CEP112: variants seen among roughly 807,000 people sequenced by gnomAD.
The protein encoded by CEP112 is centrosomal protein of 112 kDa.
CEP112 carries 127 observed loss-of-function variants against 153.0 expected under a neutral mutation model. The ratio of observed to expected loss-of-function variants is 0.83; its 90% CI spans 0.72 to 0.96. The LOEUF is 0.96. Among genes scored for constraint, CEP112 ranks in the 40% least tolerant of loss-of-function variants. The probability of loss-of-function intolerance (pLI) is 0.00; values close to 1 mark genes in which losing one functional copy is unlikely to be tolerated. For synonymous variants in CEP112, 358 were observed against 374.4 expected (o/e 0.96, Z 0.51); for missense variants, 1,089 against 1,101.2 (o/e 0.99, Z 0.16).
chr17:65,970,977 T>G (rs2062743627), intron 17 of CEP112, among the ~76,000 whole-genome samples: 1 of 133,058 alleles, frequency 7.5e-6, no homozygotes, highest in African/African-American at 3.1e-5. Flanking sequence ...GCCAGGCTGA[T>G]TTTAAAAAAC....
At chr17:65,850,379 C>T (rs1478857723) in intron 21 of CEP112, among the ~76,000 whole-genome samples, 1 of 151,956 alleles carries the variant, frequency 6.6e-6, no homozygotes, top group East Asian at 1.9e-4. Flanking sequence ...CTTGGTGCTG[C>T]CCGTGACTGT....
intron 4 of CEP112, among the ~76,000 whole-genome samples, chr17:66,164,556 CA>C (rs11317339): frequency 0.91 from 94,787 of 104,482 alleles, 43,094 homozygotes; most frequent in East Asian, 0.95. Flanking sequence ...AACTCTATCT[CA>C]AAAAAAAAAA....
At chr17:65,739,677 G>A (rs192933274) in intron 23 of CEP112, among the ~76,000 whole-genome samples, 1,708 of 152,026 alleles carry the variant, frequency 0.011, 16 homozygotes, top group Non-Finnish European at 0.019. Context: ...CGGAAGTTGC[G>A]GTGAGCTGAG....
intron 24 of CEP112, among the ~76,000 whole-genome samples, chr17:65,664,682 A>G (rs1241296797): frequency 1.3e-5 from 2 of 152,210 alleles, no homozygotes; most frequent in Non-Finnish European, 2.9e-5. Flanking sequence ...CAAGACAATG[A>G]ATGCCAAGGT....
intron 16 of CEP112, among the ~76,000 whole-genome samples, chr17:66,025,928 C>CACACACACACACACAT (rs1365285756): frequency 8.4e-6 from 1 of 119,748 alleles, no homozygotes; most frequent in African/African-American, 3.3e-5. Context: ...CATACACACA[C>CACACACACACACACAT]ACACACACAC....
intron 17 of CEP112, among the ~76,000 whole-genome samples, chr17:65,962,997 A>G (rs1209281389): frequency 6.6e-6 from 1 of 152,214 alleles, no homozygotes; most frequent in East Asian, 1.9e-4. Flanking sequence ...AAACCAGTAT[A>G]AGAGTGTTAT....
rs145064063 is a variant in CEP112 at position 65,744,276 on chromosome 17, C to T, written c.2458-1059G>A. ...GTTTGTTTGTTTGTTTGTTTTGAGACGGAGTCTTGCTCTGTTACCCAGGCT... is the reference window on the plus strand; with the variant it reads ...GTTTGTTTGTTTGTTTGTTTTGAGATGGAGTCTTGCTCTGTTACCCAGGCT... On this transcript the variant is annotated intron_variant, in intron 22 of 26. Transcript: ENST00000535342. 1.7e-3 allele frequency among the ~76,000 whole-genome samples: 244 copies of T among 144,372 alleles called. 1 individual carries two copies. Among genetic ancestry groups the T allele is most frequent in the African/African-American group, 3.1e-3 (124 of 39,604 alleles). 94.7% of individuals were successfully genotyped at this position (144,372 alleles called of 152,430 possible). A position where few individuals can be genotyped will look rare whatever the true frequency, so the allele number is the denominator to read the frequency against.
chr17:65,869,605 A>T (rs1302768216), intron 20 of CEP112, among the ~76,000 whole-genome samples: 1 of 142,874 alleles, frequency 7.0e-6, no homozygotes, highest in Non-Finnish European at 1.5e-5. Context: ...TTTCAGACAG[A>T]GTCTCACTCT....
chr17:65,895,334 C>CTTG (rs34014813), intron 20 of CEP112, among the ~76,000 whole-genome samples: 53 of 151,548 alleles, frequency 3.5e-4, no homozygotes, highest in Admixed American at 2.7e-3. Context: ...ACCATAAATA[C>CTTG]TTGTTGTTGT....
At chr17:65,828,056 T>C (rs1244552457) in intron 21 of CEP112, among the ~76,000 whole-genome samples, 1 of 152,232 alleles carries the variant, frequency 6.6e-6, no homozygotes, top group Non-Finnish European at 1.5e-5. Context: ...GCTAACAATG[T>C]ATCTCTCCTA....
At chr17:66,146,441 G>T (rs1345665540) in intron 4 of CEP112, among the ~76,000 whole-genome samples, 2 of 151,974 alleles carry the variant, frequency 1.3e-5, no homozygotes, top group African/African-American at 2.4e-5. Context: ...TAGGATCTGT[G>T]TCAAGTCCCT....
At chr17:66,023,476 C>A (rs1453153568) in intron 16 of CEP112, among the ~76,000 whole-genome samples, 1 of 152,088 alleles carries the variant, frequency 6.6e-6, no homozygotes, top group Middle Eastern at 3.2e-3. Flanking sequence ...TAACAAGCTT[C>A]ATAAATGAAA....
intron 17 of CEP112, among the ~76,000 whole-genome samples, chr17:65,991,794 T>C (rs570014585): frequency 6.6e-6 from 1 of 152,112 alleles, no homozygotes; most frequent in Non-Finnish European, 1.5e-5. Context: ...GAGATATTTT[T>C]CACCAACCTT....
chr17:66,119,163 G>A (rs1322961543), intron 6 of CEP112, among the ~76,000 whole-genome samples: 2 of 152,108 alleles, frequency 1.3e-5, no homozygotes, highest in Non-Finnish European at 2.9e-5. Flanking sequence ...TGGACACAGG[G>A]AAGGGAACAA....
intron 10 of CEP112, among the ~76,000 whole-genome samples, chr17:66,065,168 T>A (rs2067067480): frequency 6.6e-6 from 1 of 152,198 alleles, no homozygotes; most frequent in African/African-American, 2.4e-5. Context: ...TTCTAACTAC[T>A]CCCAGCGCCA....
chr17:65,704,849 T>C (rs1356814665), intron 23 of CEP112, among the ~76,000 whole-genome samples: 8 of 152,246 alleles, frequency 5.3e-5, no homozygotes, highest in African/African-American at 1.9e-4. Context: ...TTTAAAACTT[T>C]CCGTTTAAAC....
intron 21 of CEP112, among the ~76,000 whole-genome samples, chr17:65,809,597 AATG>A (rs577179232): frequency 8.1e-4 from 124 of 152,330 alleles, no homozygotes; most frequent in Middle Eastern, 6.8e-3. Context: ...GAAAGAAAGA[AATG>A]TGTCAAGTAT....
chr17:65,772,069 A>G (rs931943844), intron 21 of CEP112, among the ~76,000 whole-genome samples: 1 of 152,140 alleles, frequency 6.6e-6, no homozygotes, highest in Non-Finnish European at 1.5e-5. Flanking sequence ...GAAATGAATG[A>G]AAATGGAAGC....
intron 19 of CEP112, among the ~76,000 whole-genome samples, chr17:65,911,358 A>G (rs2031876118): frequency 2.6e-5 from 4 of 152,244 alleles, no homozygotes; most frequent in Non-Finnish European, 5.9e-5. Context: ...GACTGGTATA[A>G]GTAGGTGGAA....
Sources: gnomAD v4.1 joint callset for allele counts (sites outside exome capture counted in the v4.1 genomes callset) on GRCh38, gnomAD v4.1.1 for gene constraint, MANE v1.5 for transcripts, NCBI Gene and HGNC (gene_info 2026-07-23, HGNC 2026-07-21) for gene names.